Variants in LGR4 observed in about 807,000 individuals in gnomAD.
The protein encoded by LGR4 is leucine-rich repeat-containing G protein-coupled receptor 4.
Under a neutral mutation model 84.8 loss-of-function variants are expected in LGR4, and 44 were observed. The ratio of observed to expected loss-of-function variants is 0.52; its 90% CI spans 0.41 to 0.67. The LOEUF is 0.67. LGR4 is among the 30% of genes least tolerant of loss of function. The pLI, the probability that LGR4 is intolerant of heterozygous loss-of-function variation, is 0.00. For missense variants in LGR4, 1,032 were observed against 1,131.4 expected, an observed-to-expected ratio of 0.91 and a Z score of 1.26; for synonymous variants, 429 against 434.3, an observed-to-expected ratio of 0.99 and a Z score of 0.15.
At position 27,447,234 on chromosome 11, in the gene LGR4, T is replaced by C. The variant is rs1055446641; in HGVS notation, c.185+24884A>G. Among the ~76,000 whole-genome samples, 5 of 152,010 alleles carry C rather than the reference T, an allele frequency of 3.3e-5. No individual in the cohort carries two copies. The East Asian group carries it at 5.8e-4, about 18-fold the overall frequency. ...CAAACGATTCTGAGCATGAAGCTGATAGGAGGTCAGCAGGAGTGGTTGCAC... is the reference window on the plus strand; with the variant it reads ...CAAACGATTCTGAGCATGAAGCTGACAGGAGGTCAGCAGGAGTGGTTGCAC... On this transcript the variant is annotated intron_variant, in intron 1 of 17. Transcript: ENST00000379214.
intron 4 of LGR4, among the ~76,000 whole-genome samples, chr11:27,390,780 AAG>A (rs1408256261): frequency 6.6e-6 from 1 of 152,208 alleles, no homozygotes; most frequent in Non-Finnish European, 1.5e-5. Flanking sequence ...GTCAAGGCAC[AAG>A]ACACTAAAAC....
At chr11:27,370,963 G>A (rs1862871427) in intron 17 of LGR4, among the ~76,000 whole-genome samples, 1 of 151,896 alleles carries the variant, frequency 6.6e-6, no homozygotes, top group Non-Finnish European at 1.5e-5. Flanking sequence ...AAATACATAC[G>A]CAGCCCCTTA....
In LGR4 at chr11:27,382,247, A is replaced by G. The variant is rs1013770057; in HGVS notation, c.699T>C (p.Asn233=). 1.2e-6 allele frequency: 2 copies of G among 1,604,614 alleles called. No individual in the cohort carries two copies. Among genetic ancestry groups the G allele is most frequent in the Non-Finnish European group, 1.7e-6 (2 of 1,172,058 alleles). Residue 233 remains asparagine, a synonymous_variant, in exon 7 of 18, where the codon AAT becomes AAC. Transcript: ENST00000379214. ...GLDNLETLDL[N]YNNLGEFPQA... ...GAGGAAATTCCCCCAAGTTATTATA[A>G]TTCAAGTCTCTAGAAAAAAATGGGT... is the stretch of plus-strand genomic sequence containing the variant.
At position 27,380,959 on chromosome 11, in the gene LGR4, G is replaced by C. The variant is rs1458880615; in HGVS notation, c.766C>G (p.His256Asp). Residue 256 changes from histidine to aspartate, a missense_variant, in exon 8 of 18, where the codon CAT (histidine) becomes GAT (aspartate). Transcript: ENST00000379214. ...ALPSLKELGF[H>D]SNSISVIPDG... is the part of the protein sequence containing the mutation. ...GGGATAACAGAAATAGAATTACTAT[G>C]AAATCCTCTAGAAAGATAGGAGAAA... 6.6e-7 allele frequency: 1 copy of C among 1,524,874 alleles called. No homozygotes were observed. Among genetic ancestry groups the C allele is most frequent in the Non-Finnish European group, 9.1e-7 (1 of 1,099,590 alleles). 94.5% of individuals were successfully genotyped at this position (1,524,874 alleles called of 1,614,324 possible).
intron 2 of LGR4, among the ~76,000 whole-genome samples, chr11:27,398,904 T>C (rs1049283574): frequency 6.6e-6 from 1 of 152,110 alleles, no homozygotes; most frequent in Non-Finnish European, 1.5e-5. Context: ...TCTTTCTCTC[T>C]CTCTCTCTTT....
At chr11:27,422,039 A>T (rs1863930555) in intron 1 of LGR4, among the ~76,000 whole-genome samples, 1 of 152,208 alleles carries the variant, frequency 6.6e-6, no homozygotes, top group Non-Finnish European at 1.5e-5. Context: ...TCTGGGTGTC[A>T]ACAGCTGTTC....
intron 2 of LGR4, among the ~76,000 whole-genome samples, chr11:27,396,039 A>C (rs1863385965): frequency 6.6e-6 from 1 of 152,168 alleles, no homozygotes; most frequent in Non-Finnish European, 1.5e-5. Flanking sequence ...GTACACAAAC[A>C]TTCTTTCATT....
intron 2 of LGR4, among the ~76,000 whole-genome samples, chr11:27,412,342 G>C (rs984264862): frequency 1.3e-5 from 2 of 152,116 alleles, no homozygotes; most frequent in Non-Finnish European, 2.9e-5. Flanking sequence ...TGTCCAAGGG[G>C]ACCTACCCTC....
intron 1 of LGR4, among the ~76,000 whole-genome samples, chr11:27,436,590 TTTTCA>T (rs1400434638): frequency 6.6e-6 from 1 of 152,120 alleles, no homozygotes; most frequent in Non-Finnish European, 1.5e-5. Flanking sequence ...TGTAATAGTG[TTTTCA>T]CCATATTTTT....
rs550613162 is a variant in LGR4 at position 27,375,114 on chromosome 11, T to A, written c.1182-1068A>T. Among the ~76,000 whole-genome samples the A allele has an allele frequency of 5.5e-5, 8 of 146,654 alleles. 1 individual carries two copies. The South Asian group carries it at 1.1e-3, about 20-fold the overall frequency. On this transcript the variant is annotated intron_variant, in intron 13 of 17. Coordinates refer to ENST00000379214, the MANE Select transcript of LGR4 (RefSeq NM_018490.5). ...GCCTGGGCAACATAGGGAGACCCCA[T>A]CTCTACCAAAAAAAAAAAAAAGAAA...
intron 11 of LGR4, among the ~76,000 whole-genome samples, chr11:27,377,532 T>C (rs1863007908): frequency 6.6e-6 from 1 of 151,656 alleles, no homozygotes; most frequent in East Asian, 1.9e-4. Flanking sequence ...TAGGCAAATA[T>C]AGAAAAATAT....
chr11:27,378,845 G>T, intron 10 of LGR4, 77 bp from the exon 11 acceptor site: 1 of 961,284 alleles, frequency 1.0e-6, no homozygotes, highest in Non-Finnish European at 1.7e-6. Context: ...TATAGAATAA[G>T]TGCTCACATA....
At chr11:27,397,489 C>T (rs867430001) in intron 2 of LGR4, among the ~76,000 whole-genome samples, 22 of 152,274 alleles carry the variant, frequency 1.4e-4, no homozygotes, top group South Asian at 8.3e-4. Flanking sequence ...AATGTCTCCG[C>T]TAAGCCCCAT....
chr11:27,380,575 A>G, intron 9 of LGR4, 65 bp downstream of exon 9: 1 of 1,140,608 alleles, frequency 8.8e-7, no homozygotes, highest in Non-Finnish European at 1.3e-6. Context: ...CCAGTAATAA[A>G]TTCTTGTTTT....
chr11:27,372,244 T>C (rs778337599), intron 16 of LGR4, 39 bp downstream of exon 16: 3 of 1,139,350 alleles, frequency 2.6e-6, no homozygotes, highest in Non-Finnish European at 4.0e-6. Flanking sequence ...AATCAATGCC[T>C]TAAAGGAGTG....
chr11:27,421,127 G>A (rs1406170916), intron 1 of LGR4, among the ~76,000 whole-genome samples: 2 of 152,176 alleles, frequency 1.3e-5, no homozygotes, highest in African/African-American at 4.8e-5. Context: ...ATGGGACGAA[G>A]GGAGGGGAAG....
chr11:27,455,706 A>G (rs935302726), intron 1 of LGR4, among the ~76,000 whole-genome samples: 1 of 152,182 alleles, frequency 6.6e-6, no homozygotes, highest in African/African-American at 2.4e-5. Context: ...TCCGATACCT[A>G]AGACATGTAC....
chr11:27,378,635 T>C (rs1863033501), intron 11 of LGR4, 62 bp downstream of exon 11: 2 of 1,127,510 alleles, frequency 1.8e-6, no homozygotes, highest in Admixed American at 1.9e-5. Context: ...TAAAATAAAA[T>C]TGAACATGTG....
At chr11:27,452,566 C>T (rs750566560) in intron 1 of LGR4, among the ~76,000 whole-genome samples, 6 of 128,520 alleles carry the variant, frequency 4.7e-5, no homozygotes, top group Non-Finnish European at 9.2e-5. Context: ...TGTTCGCCAA[C>T]ACTATAATTT....
Sources: gnomAD v4.1 joint callset for allele counts (sites outside exome capture counted in the v4.1 genomes callset) on GRCh38, gnomAD v4.1.1 for gene constraint, MANE v1.5 for transcripts, NCBI Gene and HGNC (gene_info 2026-07-23, HGNC 2026-07-21) for gene names.